BMPR1A: variants seen among roughly 807,000 people sequenced by gnomAD.
BMPR1A encodes the protein bone morphogenetic protein receptor type 1A.
Under a neutral mutation model 66.0 loss-of-function variants are expected in BMPR1A, and 7 were observed. The observed-to-expected ratio is 0.11, with a 90% CI of 0.06 to 0.20. The LOEUF (loss-of-function observed/expected upper bound fraction) is 0.20. Ranked by LOEUF, BMPR1A falls within the 10% of genes least tolerant of loss-of-function variation. BMPR1A has a pLI of 1.00. For synonymous variants in BMPR1A, 200 were observed against 229.7 expected (o/e 0.87, Z 1.17); for missense variants, 408 against 669.1 (o/e 0.61, Z 4.31).
intron 1 of BMPR1A, among the ~76,000 whole-genome samples, chr10:86,791,043 A>G (rs1841609542): frequency 6.6e-6 from 1 of 152,232 alleles, no homozygotes; most frequent in Non-Finnish European, 1.5e-5. Flanking sequence ...TCCAATATTT[A>G]CAAATAATAA....
chr10:86,797,236 T>C (rs947803965), intron 1 of BMPR1A, among the ~76,000 whole-genome samples: 1 of 132,342 alleles, frequency 7.6e-6, no homozygotes, highest in African/African-American at 2.6e-5. Flanking sequence ...GGCTAATTTT[T>C]TTTTTTTTTT....
At position 86,849,030 on chromosome 10, in the gene BMPR1A, CAA is replaced by C. The variant is rs987712940; in HGVS notation, c.-153+10052_-153+10053del. 6.8e-4 allele frequency among the ~76,000 whole-genome samples: 103 copies of C among 152,312 alleles called. 1 individual carries two copies. Among genetic ancestry groups the C allele is most frequent in the African/African-American group, 2.4e-3 (101 of 41,568 alleles). On this transcript the variant is annotated intron_variant, in intron 2 of 12. Transcript: ENST00000372037. ...GTCCCTTTCATCCCATGTAATGCTT[CAA>C]GAGTGATTTTTCTAAACCATGGTGC...
chr10:86,834,279 C>G (rs1842311897), intron 1 of BMPR1A, among the ~76,000 whole-genome samples: 1 of 152,112 alleles, frequency 6.6e-6, no homozygotes, highest in Non-Finnish European at 1.5e-5. Context: ...TTCCCCTTGC[C>G]TTTTGAGTCT....
chr10:86,914,447 G>T (rs1215707329), intron 8 of BMPR1A, among the ~76,000 whole-genome samples: 1 of 152,076 alleles, frequency 6.6e-6, no homozygotes, highest in African/African-American at 2.4e-5. Context: ...AAGAAAATGA[G>T]AAGACAAGTC....
intron 2 of BMPR1A, among the ~76,000 whole-genome samples, chr10:86,840,074 T>C (rs1455443730): frequency 6.6e-6 from 1 of 152,130 alleles, no homozygotes; most frequent in African/African-American, 2.4e-5. Context: ...CCTAAGACAG[T>C]ATGTACAGGA....
chr10:86,840,296 G>A (rs949826878), intron 2 of BMPR1A, among the ~76,000 whole-genome samples: 17 of 152,116 alleles, frequency 1.1e-4, no homozygotes, highest in Admixed American at 2.0e-4. Context: ...CTGCCAAACC[G>A]CTGGATTAGA....
chr10:86,809,380 C>A (rs960031439), intron 1 of BMPR1A, among the ~76,000 whole-genome samples: 1 of 151,932 alleles, frequency 6.6e-6, no homozygotes, highest in Non-Finnish European at 1.5e-5. Flanking sequence ...ACCTCCACTT[C>A]CCATGCTCAA....
Position 86,772,128 on chromosome 10 carries a change from T to G in BMPR1A, c.-268+15209T>G, listed in dbSNP as rs1450166235. Among the ~76,000 whole-genome samples the G allele has an allele frequency of 9.6e-5, 5 of 51,970 alleles. No individual in the cohort carries two copies. In the East Asian group the frequency reaches 1.6e-3, roughly 16 times the overall value. 34.1% of individuals were successfully genotyped at this position (51,970 alleles called of 152,430 possible). A position where few individuals can be genotyped will look rare whatever the true frequency, so the allele number is the denominator to read the frequency against. ...TAATTGGCGATGGTCAGAGATAGGT[T>G]TTTTTTTTTTTTTTTTTTTTGAGAC... is the stretch of plus-strand genomic sequence containing the variant. On this transcript the variant is annotated intron_variant, in intron 1 of 12. Coordinates refer to ENST00000372037, the MANE Select transcript of BMPR1A (RefSeq NM_004329.3).
At chr10:86,932,131 CAG>C (rs1236150758), downstream of BMPR1A, 2 of 152,206 alleles carry the variant, frequency 1.3e-5, no homozygotes, top group Non-Finnish European at 2.9e-5. Context: ...ACAGGAATCA[CAG>C]AGACTCATCT....
chr10:86,826,340 A>C (rs1842194437), intron 1 of BMPR1A, among the ~76,000 whole-genome samples: 1 of 152,058 alleles, frequency 6.6e-6, no homozygotes, highest in Admixed American at 6.6e-5. Context: ...TCCAGAAACC[A>C]AGGGAAAAAA....
At chr10:86,792,975 T>C (rs1174600995) in intron 1 of BMPR1A, among the ~76,000 whole-genome samples, 1 of 152,200 alleles carries the variant, frequency 6.6e-6, no homozygotes, top group Non-Finnish European at 1.5e-5. Context: ...GCAAATACTC[T>C]GTTCAGTGAT....
chr10:86,796,489 A>ACATT (rs1311874699), intron 1 of BMPR1A, among the ~76,000 whole-genome samples: 2 of 139,222 alleles, frequency 1.4e-5, no homozygotes, highest in East Asian at 4.5e-4. Flanking sequence ...AAATTTAGGC[A>ACATT]CATTTATTTA....
rs569535078 is a variant in BMPR1A, at chr10:86,857,621, A to T, written c.-152-18246A>T. 3.3e-5 allele frequency among the ~76,000 whole-genome samples: 5 copies of T among 152,070 alleles called. No homozygotes were observed. In the South Asian group the frequency reaches 8.3e-4, roughly 25 times the overall value. On this transcript the variant is annotated intron_variant, in intron 2 of 12. Coordinates refer to ENST00000372037, the MANE Select transcript of BMPR1A (RefSeq NM_004329.3). Reference sequence around the variant, plus strand: ...AGTCATCTGAAAGCCTGACTCGGGGAGAATACACTTCCATGTGGCATACTC... The same window carrying T: ...AGTCATCTGAAAGCCTGACTCGGGGTGAATACACTTCCATGTGGCATACTC...
chr10:86,812,519 C>T (rs1351517683), intron 1 of BMPR1A, among the ~76,000 whole-genome samples: 1 of 152,152 alleles, frequency 6.6e-6, no homozygotes, highest in Non-Finnish European at 1.5e-5. Flanking sequence ...TACATTTCAC[C>T]AGCTAAGTAC....
chr10:86,830,716 A>AGAT (rs1310497625), intron 1 of BMPR1A, among the ~76,000 whole-genome samples: 2 of 152,152 alleles, frequency 1.3e-5, no homozygotes, highest in Non-Finnish European at 2.9e-5. Context: ...TATATATCCT[A>AGAT]GATGAGGCTT....
intron 8 of BMPR1A, among the ~76,000 whole-genome samples, chr10:86,916,238 T>C (rs1843565656): frequency 1.3e-5 from 2 of 152,120 alleles, no homozygotes; most frequent in Non-Finnish European, 2.9e-5. Flanking sequence ...GTCTTATAGA[T>C]GGGATTTTTA....
chr10:86,759,012 A>C (rs1254106993), intron 1 of BMPR1A, among the ~76,000 whole-genome samples: 2 of 152,248 alleles, frequency 1.3e-5, no homozygotes, highest in African/African-American at 4.8e-5. Flanking sequence ...TTGAAAAATA[A>C]AGTCTCTAGT....
At chr10:86,804,745 A>G (rs936280996) in intron 1 of BMPR1A, among the ~76,000 whole-genome samples, 1 of 142,450 alleles carries the variant, frequency 7.0e-6, no homozygotes, top group Admixed American at 7.0e-5. Flanking sequence ...AGTATGTCTC[A>G]TGTCTATAAA....
chr10:86,875,092 G>C (rs1017119971), intron 2 of BMPR1A, among the ~76,000 whole-genome samples: 1 of 151,196 alleles, frequency 6.6e-6, no homozygotes, highest in Non-Finnish European at 1.5e-5. Flanking sequence ...TGTAATTTTC[G>C]CCTGGCATGG....
Sources: allele counts gnomAD v4.1 joint callset (sites outside exome capture counted in the v4.1 genomes callset), GRCh38; gene constraint gnomAD v4.1.1; transcripts MANE v1.5; gene names NCBI Gene and HGNC (gene_info 2026-07-23, HGNC 2026-07-21).